NELL1: variants seen among roughly 807,000 people sequenced by gnomAD.
NELL1 encodes protein kinase C-binding protein NELL1.
NELL1 carries 76 observed loss-of-function variants against 107.4 expected under a neutral mutation model. That is an observed-to-expected ratio of 0.71 (90% CI 0.59 to 0.86). NELL1 has a LOEUF of 0.86. NELL1 is among the 40% of genes least tolerant of loss of function. The pLI is 0.00. For synonymous variants in NELL1, 353 were observed against 341.2 expected, an observed-to-expected ratio of 1.03 and a Z score of -0.38; for missense variants, 1,024 against 1,005.5, an observed-to-expected ratio of 1.02 and a Z score of -0.25.
intron 12 of NELL1, among the ~76,000 whole-genome samples, chr11:20,986,023 T>C (rs775166234): frequency 6.6e-6 from 1 of 152,202 alleles, no homozygotes; most frequent in Admixed American, 6.5e-5. Flanking sequence ...AGCCCAAAGT[T>C]GGCATGCTAT....
intron 13 of NELL1, among the ~76,000 whole-genome samples, chr11:21,225,775 A>G (rs1857877800): frequency 6.6e-6 from 1 of 152,202 alleles, no homozygotes; most frequent in Admixed American, 6.5e-5. Flanking sequence ...AGCAGCAGCA[A>G]TGACAATCAA....
chr11:21,139,550 A>G (rs1286382792), intron 13 of NELL1, among the ~76,000 whole-genome samples: 2 of 152,172 alleles, frequency 1.3e-5, no homozygotes, highest in African/African-American at 4.8e-5. Flanking sequence ...CTTAATCATG[A>G]TCTGTCTCTT....
At chr11:20,690,805 T>C (rs1854443718) in intron 2 of NELL1, among the ~76,000 whole-genome samples, 1 of 150,726 alleles carries the variant, frequency 6.6e-6, no homozygotes, top group African/African-American at 2.4e-5. Flanking sequence ...AGTAGTTTTT[T>C]CCAATTCTGT....
intron 10 of NELL1, among the ~76,000 whole-genome samples, chr11:20,940,790 C>G (rs1411814680): frequency 6.6e-6 from 1 of 152,168 alleles, no homozygotes; most frequent in African/African-American, 2.4e-5. Flanking sequence ...AGACAGGCAT[C>G]TTTGGAGACC....
intron 3 of NELL1, among the ~76,000 whole-genome samples, chr11:20,826,617 T>C (rs1857889679): frequency 6.6e-6 from 1 of 151,230 alleles, no homozygotes; most frequent in Non-Finnish European, 1.5e-5. Context: ...TGGTTAATTA[T>C]TTTTTATTGC....
intron 14 of NELL1, among the ~76,000 whole-genome samples, chr11:21,282,343 CT>C (rs1234069678): frequency 6.6e-5 from 10 of 152,114 alleles, no homozygotes; most frequent in Middle Eastern, 3.4e-3. Context: ...CCACACCTGG[CT>C]AATTTTTGTG....
At chr11:20,936,783 G>A (rs931939610) in intron 9 of NELL1, among the ~76,000 whole-genome samples, 5 of 152,152 alleles carry the variant, frequency 3.3e-5, no homozygotes, top group Admixed American at 6.5e-5. Context: ...TGAGCATCCC[G>A]TGAGAATCAG....
chr11:20,890,421 A>T (rs939820876), intron 5 of NELL1, among the ~76,000 whole-genome samples: 1 of 152,184 alleles, frequency 6.6e-6, no homozygotes, highest in East Asian at 1.9e-4. Flanking sequence ...CAATGAAAAA[A>T]TTCTGAAAAC....
chr11:20,751,191 C>T (rs2403623), intron 2 of NELL1, among the ~76,000 whole-genome samples: 116,224 of 151,402 alleles, frequency 0.77, 45,258 homozygotes, highest in Middle Eastern at 0.9. Context: ...TTTTTTATGA[C>T]TGCTTTTCTC....
chr11:21,386,462 A>G (rs1590889309), intron 15 of NELL1, among the ~76,000 whole-genome samples: 1 of 151,890 alleles, frequency 6.6e-6, no homozygotes, highest in East Asian at 1.9e-4. Context: ...TTCCTTCCAT[A>G]GACAAAGCTG....
At chr11:20,732,120 T>C (rs1406643072) in intron 2 of NELL1, among the ~76,000 whole-genome samples, 1 of 152,044 alleles carries the variant, frequency 6.6e-6, no homozygotes, top group Non-Finnish European at 1.5e-5. Context: ...CTAGTCATCA[T>C]TTTCCGAGTC....
At chr11:21,039,538 A>G (rs1853177382) in intron 12 of NELL1, among the ~76,000 whole-genome samples, 1 of 152,172 alleles carries the variant, frequency 6.6e-6, no homozygotes, top group Admixed American at 6.5e-5. Flanking sequence ...AAAGTTTTAT[A>G]TATGACCCCT....
chr11:21,342,597 T>C (rs1452256034), intron 14 of NELL1, among the ~76,000 whole-genome samples: 2 of 144,550 alleles, frequency 1.4e-5, no homozygotes, highest in South Asian at 2.1e-4. Flanking sequence ...TGAGCCATGA[T>C]CATGCCACTG....
intron 2 of NELL1, among the ~76,000 whole-genome samples, chr11:20,772,086 C>A (rs192291948): frequency 1.6e-4 from 24 of 152,282 alleles, no homozygotes; most frequent in African/African-American, 5.3e-4. Context: ...GTGGCAAGGT[C>A]AGGGCCAATA....
At chr11:21,330,818 G>GT in intron 14 of NELL1, among the ~76,000 whole-genome samples, 1 of 151,948 alleles carries the variant, frequency 6.6e-6, no homozygotes, top group East Asian at 1.9e-4. Flanking sequence ...GTTCCTTTCT[G>GT]TTTTTTCTCT....
chr11:20,959,697 A>T (rs1851250888), intron 11 of NELL1, among the ~76,000 whole-genome samples: 1 of 152,184 alleles, frequency 6.6e-6, no homozygotes, highest in South Asian at 2.1e-4. Flanking sequence ...AAGATAAAAG[A>T]CTACAAATTG....
At chr11:21,241,751 A>C (rs1354445281) in intron 14 of NELL1, among the ~76,000 whole-genome samples, 8 of 151,806 alleles carry the variant, frequency 5.3e-5, no homozygotes, top group African/African-American at 9.7e-5. Context: ...AAACAGAATT[A>C]TGTGTTTGTT....
At chr11:21,306,295 A>G (rs1014145995) in intron 14 of NELL1, among the ~76,000 whole-genome samples, 9 of 152,144 alleles carry the variant, frequency 5.9e-5, no homozygotes, top group African/African-American at 2.2e-4. Flanking sequence ...CATTTCATCT[A>G]TAAGAGTGGA....
chr11:21,477,247 G>A (rs1385299713), intron 15 of NELL1, among the ~76,000 whole-genome samples: 1 of 152,072 alleles, frequency 6.6e-6, no homozygotes, highest in African/African-American at 2.4e-5. Flanking sequence ...ACTTTGCCTT[G>A]TAATGTGGAT....
Sources: allele counts gnomAD v4.1 joint callset (sites outside exome capture counted in the v4.1 genomes callset), GRCh38; gene constraint gnomAD v4.1.1; transcripts MANE v1.5; gene names NCBI Gene and HGNC (gene_info 2026-07-23, HGNC 2026-07-21).